PCED1B: variants seen among roughly 807,000 people sequenced by gnomAD.
The protein encoded by PCED1B is PC-esterase domain-containing protein 1B.
For missense variants in PCED1B, 573 were observed against 573.9 expected, an observed-to-expected ratio of 1.00 and a Z score of 0.02; for synonymous variants, 251 against 246.1, an observed-to-expected ratio of 1.02 and a Z score of -0.19.
intron 1 of PCED1B, among the ~76,000 whole-genome samples, chr12:47,095,820 T>C (rs544307814): frequency 4.3e-4 from 66 of 152,340 alleles, no homozygotes; most frequent in Middle Eastern, 6.8e-3. Context: ...CATTTCACTA[T>C]TTATTTTTCA....
At chr12:47,150,299 G>C (rs1321183689) in intron 2 of PCED1B, among the ~76,000 whole-genome samples, 2 of 152,124 alleles carry the variant, frequency 1.3e-5, no homozygotes, top group East Asian at 3.9e-4. Flanking sequence ...AAATAGGCCG[G>C]GCGCGGTGGC....
chr12:47,082,032 G>A (rs1226466096), intron 1 of PCED1B, among the ~76,000 whole-genome samples: 3 of 152,178 alleles, frequency 2.0e-5, no homozygotes, highest in Non-Finnish European at 4.4e-5. Context: ...AGGGAAGAAC[G>A]TTGTAAAAGG....
At chr12:47,182,466 C>T (rs1005030831) in intron 2 of PCED1B, among the ~76,000 whole-genome samples, 2 of 151,944 alleles carry the variant, frequency 1.3e-5, no homozygotes, top group Non-Finnish European at 2.9e-5. Context: ...TGGCACGTGC[C>T]TGTAATCCTA....
chr12:47,179,869 TC>T (rs10706831), intron 2 of PCED1B, among the ~76,000 whole-genome samples: 41,494 of 151,944 alleles, frequency 0.27, 6,055 homozygotes, highest in East Asian at 0.55. Context: ...CATGTATATA[TC>T]AATATGTCAG....
At chr12:47,189,257 T>C (rs946023503) in intron 2 of PCED1B, among the ~76,000 whole-genome samples, 1 of 152,162 alleles carries the variant, frequency 6.6e-6, no homozygotes, top group African/African-American at 2.4e-5. Flanking sequence ...ATTACCCCAT[T>C]GGATGCCTTT....
rs1162185008 is a variant in PCED1B at position 47,128,087 on chromosome 12, G to A, written c.-526+23892G>A. Among the ~76,000 whole-genome samples, 3 of 152,234 alleles carry A rather than the reference G, an allele frequency of 2.0e-5. No individual in the cohort carries two copies. The East Asian group carries it at 5.8e-4, about 29-fold the overall frequency. ...CAACACAAAAACAATACTTAGAAAA[G>A]TTATTCTGTAAATTTAGATCTGTAA... On this transcript the variant is annotated intron_variant, in intron 2 of 3. Coordinates refer to ENST00000546455, the MANE Select transcript of PCED1B (RefSeq NM_138371.3).
intron 3 of PCED1B, among the ~76,000 whole-genome samples, chr12:47,230,893 C>T (rs903760352): frequency 6.6e-6 from 1 of 152,198 alleles, no homozygotes; most frequent in African/African-American, 2.4e-5. Context: ...AGCAGCACTT[C>T]CTACTTGTTA....
intron 1 of PCED1B, among the ~76,000 whole-genome samples, chr12:47,092,296 AT>A (rs200098127): frequency 0.017 from 2,511 of 152,074 alleles, 32 homozygotes; most frequent in Non-Finnish European, 0.026. Context: ...TTTTGATGCT[AT>A]TGTAAATATG....
At chr12:47,144,025 G>A (rs1940694504) in intron 2 of PCED1B, among the ~76,000 whole-genome samples, 2 of 152,110 alleles carry the variant, frequency 1.3e-5, no homozygotes, top group East Asian at 3.9e-4. Flanking sequence ...TTTTATCAGG[G>A]ACCCCAGGCT....
chr12:47,222,647 C>T (rs1466452303), intron 3 of PCED1B, among the ~76,000 whole-genome samples: 2 of 152,140 alleles, frequency 1.3e-5, no homozygotes, highest in Non-Finnish European at 2.9e-5. Flanking sequence ...TACATGTGTT[C>T]ATTTAACCCT....
intron 3 of PCED1B, among the ~76,000 whole-genome samples, chr12:47,230,750 ATTAATATAGTGAAAAAGTAATGT>A (rs1943782284): frequency 6.6e-6 from 1 of 152,152 alleles, no homozygotes; most frequent in Non-Finnish European, 1.5e-5. Context: ...CCAACATACC[ATTAATATAGTGAAAAAGTAATGT>A]GTTCAGTGTA....
intron 2 of PCED1B, among the ~76,000 whole-genome samples, chr12:47,109,623 A>G (rs1939104590): frequency 6.6e-6 from 1 of 152,208 alleles, no homozygotes; most frequent in South Asian, 2.1e-4. Flanking sequence ...AAAATTCCAT[A>G]TGTGGAAATA....
At position 47,172,992 on chromosome 12, in the gene PCED1B, T is replaced by C. The variant is rs139645336; in HGVS notation, c.-525-43230T>C. ...AGAGACAAGTTGTTGAAAAAGGCAATGGGGAAGACAGGACAATAAAGAGGA... is the reference window on the plus strand; with the variant it reads ...AGAGACAAGTTGTTGAAAAAGGCAACGGGGAAGACAGGACAATAAAGAGGA... On this transcript the variant is annotated intron_variant, in intron 2 of 3. Transcript: ENST00000546455. Among the ~76,000 whole-genome samples, 507 of 152,150 alleles carry C rather than the reference T, an allele frequency of 3.3e-3. 8 individuals carry two copies. In the South Asian group the frequency reaches 0.041, roughly 12 times the overall value.
At chr12:47,163,907 A>G (rs952500256) in intron 2 of PCED1B, among the ~76,000 whole-genome samples, 2 of 152,208 alleles carry the variant, frequency 1.3e-5, no homozygotes, top group Non-Finnish European at 2.9e-5. Flanking sequence ...GGAGGAAACA[A>G]GAGAGTCTAG....
chr12:47,212,854 G>A (rs1943135748), intron 2 of PCED1B, among the ~76,000 whole-genome samples: 2 of 152,218 alleles, frequency 1.3e-5, no homozygotes, highest in African/African-American at 2.4e-5. Context: ...CTTTCCCAAA[G>A]TCACACAGCT....
chr12:47,230,456 T>C (rs545122877), intron 3 of PCED1B, among the ~76,000 whole-genome samples: 1 of 151,638 alleles, frequency 6.6e-6, no homozygotes, highest in South Asian at 2.1e-4. Flanking sequence ...CTTTTCCCTT[T>C]TTTTTGACAC....
intron 3 of PCED1B, among the ~76,000 whole-genome samples, 161 bp from the exon 4 acceptor site, chr12:47,234,846 C>T (rs1432504472): frequency 6.6e-6 from 1 of 152,224 alleles, no homozygotes; most frequent in African/African-American, 2.4e-5. Context: ...TCTCCCAGGT[C>T]CGGGCTTGGT....
intron 2 of PCED1B, among the ~76,000 whole-genome samples, chr12:47,133,590 T>C (rs897799397): frequency 6.6e-6 from 1 of 152,178 alleles, no homozygotes; most frequent in Non-Finnish European, 1.5e-5. Context: ...GAGTTTGCAC[T>C]AATAAAATCC....
At chr12:47,207,141 C>A (rs1942936213) in intron 2 of PCED1B, among the ~76,000 whole-genome samples, 1 of 152,174 alleles carries the variant, frequency 6.6e-6, no homozygotes. Context: ...AGGGAATATC[C>A]TTTCAGAGCC....
Sources: allele counts gnomAD v4.1 joint callset (sites outside exome capture counted in the v4.1 genomes callset), GRCh38; gene constraint gnomAD v4.1.1; transcripts MANE v1.5; gene names NCBI Gene and HGNC (gene_info 2026-07-23, HGNC 2026-07-21).